Variants in CPLANE1 observed in about 807,000 individuals in gnomAD.
CPLANE1 encodes the protein ciliogenesis and planar polarity effector 1.
In CPLANE1, 263 loss-of-function variants were observed where a neutral mutation model predicts 362.5. The ratio of observed to expected loss-of-function variants is 0.73; its 90% CI spans 0.66 to 0.80. The LOEUF (loss-of-function observed/expected upper bound fraction) is 0.80. Among genes scored for constraint, CPLANE1 ranks in the 30% least tolerant of loss-of-function variants. The pLI, the probability that CPLANE1 is intolerant of heterozygous loss-of-function variation, is 0.00. For synonymous variants in CPLANE1, 1,212 were observed against 1,302.6 expected, an observed-to-expected ratio of 0.93 and a Z score of 1.50; for missense variants, 3,461 against 3,793.4, an observed-to-expected ratio of 0.91 and a Z score of 2.30.
the CPLANE1 span, among the ~76,000 whole-genome samples, chr5:37,076,894 TGA>T: frequency 1.3e-5 from 2 of 150,118 alleles, no homozygotes; most frequent in Non-Finnish European, 3.0e-5. Flanking sequence ...CTGAAGAAGC[TGA>T]GTGTGTAGGT....
intron 6 of CPLANE1, among the ~76,000 whole-genome samples, 162 bp from the exon 7 acceptor site, chr5:37,240,031 G>A (rs2150708131): frequency 6.6e-6 from 1 of 152,232 alleles, no homozygotes; most frequent in Middle Eastern, 3.4e-3. Flanking sequence ...TGCTGTAAAG[G>A]AATGCCTGAG....
intron 25 of CPLANE1, among the ~76,000 whole-genome samples, chr5:37,184,164 G>C (rs1783377287): frequency 6.6e-6 from 1 of 151,952 alleles, no homozygotes; most frequent in Admixed American, 6.6e-5. Context: ...GACCTTTTTT[G>C]TTTTACCACA....
intron 43 of CPLANE1, among the ~76,000 whole-genome samples, chr5:37,146,207 C>A (rs1174869131): frequency 1.3e-5 from 2 of 151,254 alleles, no homozygotes; most frequent in African/African-American, 4.9e-5. Context: ...GAGACGGAGT[C>A]TCGCTCTGTT....
chr5:37,107,850 GGAACGT>G, intron 52 of CPLANE1, 72 bp from the exon 53 acceptor site: 1 of 1,455,418 alleles, frequency 6.9e-7, no homozygotes, highest in Non-Finnish European at 9.1e-7. Flanking sequence ...AAAAAAACCT[GGAACGT>G]GAACTAAGCT....
intron 32 of CPLANE1, among the ~76,000 whole-genome samples, chr5:37,173,447 CTTTTTTTTCCTAGTAGAAT>C (rs978721900): frequency 1.3e-5 from 2 of 151,782 alleles, no homozygotes; most frequent in Non-Finnish European, 2.9e-5. Flanking sequence ...CCCTAGAGGT[CTTTTTTTTCCTAGTAGAAT>C]TTTTTTTTCC....
intron 42 of CPLANE1, 129 bp downstream of exon 42, chr5:37,153,611 G>T (rs1774189869): frequency 3.2e-6 from 3 of 931,986 alleles, no homozygotes; most frequent in Non-Finnish European, 4.7e-6. Flanking sequence ...TAGTGCTGAG[G>T]TTGACAAACC....
At chr5:37,248,261 G>A (rs914699239) in intron 1 of CPLANE1, among the ~76,000 whole-genome samples, 2 of 151,926 alleles carry the variant, frequency 1.3e-5, no homozygotes, top group African/African-American at 4.8e-5. Flanking sequence ...CCGAGTAGCT[G>A]GGATTACAGG....
chr5:37,153,832 T>C lies in CPLANE1; in HGVS notation c.8281A>G (p.Ile2761Val). ...TGTATTGCTAGCAACTGCTCGTCAA[T>C]TTTCTGAAGCTTAGCACTGAGATGC... ...LEHLSAKLQK[I>V]DEQLLAIQNI... Residue 2761 changes from isoleucine to valine, a missense_variant, in exon 42 of 53, where the codon ATT becomes GTT. By Grantham distance (29) the Ile-to-Val change is conservative. Transcript: ENST00000651892. 1.2e-6 allele frequency: 2 copies of C among 1,614,152 alleles called. No homozygotes were observed. Among genetic ancestry groups the C allele is most frequent in the Non-Finnish European group, 1.7e-6 (2 of 1,180,036 alleles).
In CPLANE1 at chr5:37,165,622, G is replaced by A. The variant is rs776904889; in HGVS notation, c.7450C>T (p.Leu2484=). 6.2e-7 allele frequency: 1 copy of A among 1,611,692 alleles called. No individual in the cohort carries two copies. Among genetic ancestry groups the A allele is most frequent in the African/African-American group, 1.3e-5 (1 of 74,728 alleles). The stretch of plus-strand genomic sequence containing the variant: ...AAAGTCACATTTGGTTTTCTCCTCA[G>A]TTTCTCACATCTTTTTTCTTGCAGC... ...KELQEKRCEK[L]RRKPNVTFRP... Residue 2484 remains leucine, a synonymous_variant, in exon 36 of 53, where the codon CTG becomes TTG. Transcript: ENST00000651892.
At chr5:37,187,664 ATCT>A (rs1479426230) in intron 22 of CPLANE1, 66 bp downstream of exon 22, 9 of 1,553,712 alleles carry the variant, frequency 5.8e-6, no homozygotes, top group African/African-American at 4.1e-5. Context: ...AAACAATAAA[ATCT>A]TCTTTTAAAC....
intron 51 of CPLANE1, among the ~76,000 whole-genome samples, chr5:37,109,116 C>T (rs1456027575): frequency 6.6e-6 from 1 of 152,114 alleles, no homozygotes; most frequent in African/African-American, 2.4e-5. Flanking sequence ...TTCTACCCTT[C>T]GAGGTGATTT....
intron 35 of CPLANE1, 104 bp from the exon 36 acceptor site, chr5:37,165,775 A>C: frequency 3.0e-6 from 3 of 983,746 alleles, no homozygotes. Flanking sequence ...TACGTTCATA[A>C]ATTATTTTCA....
intron 8 of CPLANE1, among the ~76,000 whole-genome samples, chr5:37,237,756 A>G (rs1799343540): frequency 6.6e-6 from 1 of 152,236 alleles, no homozygotes; most frequent in Admixed American, 6.5e-5. Context: ...AGGCTGAGGC[A>G]GGAGAATGGC....
Position 37,107,709 on chromosome 5 carries a change from C to T in CPLANE1, c.9649G>A (p.Glu3217Lys). 6.2e-7 allele frequency: 1 copy of T among 1,612,282 alleles called. No individual in the cohort carries two copies. The highest frequency in any genetic ancestry group is 8.5e-7 in the Non-Finnish European group (1 of 1,179,262). Residue 3217 changes from glutamate (E) to lysine (K), a missense_variant, in exon 53 of 53, where the codon GAG (glutamate) becomes AAG (lysine). By Grantham distance (56) the Glu-to-Lys change is moderately conservative. Transcript: ENST00000651892. ...FGVGGVDSVS[E>K]STGSILSKLD... ...TTGCTGAGGATGCTGCCAGTGCTCT[C>T]AGACACGCTGTCCACACCGCCCACC...
intron 26 of CPLANE1, among the ~76,000 whole-genome samples, chr5:37,182,336 T>C (rs1287125020): frequency 6.6e-6 from 1 of 152,138 alleles, no homozygotes; most frequent in Non-Finnish European, 1.5e-5. Context: ...TGTGTTTGGT[T>C]CTCCAACCTC....
At chr5:37,218,824 T>G (rs957166529) in intron 15 of CPLANE1, among the ~76,000 whole-genome samples, 1 of 151,812 alleles carries the variant, frequency 6.6e-6, no homozygotes, top group African/African-American at 2.4e-5. Context: ...GGCAGGCGCC[T>G]GTAATCCCAG....
chr5:37,229,046 C>T (rs1359810975), intron 9 of CPLANE1, among the ~76,000 whole-genome samples: 2 of 151,410 alleles, frequency 1.3e-5, no homozygotes, highest in African/African-American at 4.9e-5. Context: ...ACGGTGAAAC[C>T]CCATCTCTAG....
intron 19 of CPLANE1, among the ~76,000 whole-genome samples, chr5:37,199,398 T>G (rs1788518150): frequency 1.3e-5 from 2 of 152,208 alleles, no homozygotes; most frequent in African/African-American, 4.8e-5. Context: ...AGAATCCTAC[T>G]TATATTTCAA....
chr5:37,192,454 G>A (rs1485175339), intron 21 of CPLANE1, among the ~76,000 whole-genome samples: 1 of 152,170 alleles, frequency 6.6e-6, no homozygotes, highest in Non-Finnish European at 1.5e-5. Context: ...CAACAAAATT[G>A]TCTAATGACA....
Sources: gnomAD v4.1 joint callset for allele counts (sites outside exome capture counted in the v4.1 genomes callset) on GRCh38, gnomAD v4.1.1 for gene constraint, MANE v1.5 for transcripts, NCBI Gene and HGNC (gene_info 2026-07-23, HGNC 2026-07-21) for gene names.